RFTN1: variants seen among roughly 807,000 people sequenced by gnomAD.
The protein encoded by RFTN1 is raftlin.
Under a neutral mutation model 46.5 loss-of-function variants are expected in RFTN1, and 26 were observed. That is an observed-to-expected ratio of 0.56 (90% confidence interval 0.41 to 0.78). RFTN1 has a LOEUF of 0.78. Among genes scored for constraint, RFTN1 ranks in the 30% least tolerant of loss-of-function variants. The probability of loss-of-function intolerance (pLI) is 0.00; values close to 1 mark genes in which losing one functional copy is unlikely to be tolerated. For synonymous variants in RFTN1, 261 were observed against 284.2 expected (o/e 0.92, Z 0.82); for missense variants, 693 against 718.7 (o/e 0.96, Z 0.41).
intron 4 of RFTN1, among the ~76,000 whole-genome samples, chr3:16,404,197 C>T (rs189453341): frequency 3.6e-4 from 10 of 27,636 alleles, no homozygotes; most frequent in South Asian, 1.2e-3. Flanking sequence ...ATATAATATA[C>T]ATTTTATATA....
rs922918043 is a variant in RFTN1, at chr3:16,381,003, C to T, written c.442-2901G>A. 3.5e-4 allele frequency among the ~76,000 whole-genome samples: 53 copies of T among 152,308 alleles called. No homozygotes were observed. Among genetic ancestry groups the T allele is most frequent in the African/African-American group, 1.2e-3 (50 of 41,568 alleles). On this transcript the variant is annotated intron_variant, in intron 4 of 9. Transcript: ENST00000334133. This position sits in a 1 kb window ranked among gnomAD's most constrained non-coding sequence, Gnocchi z 4.2. ...GCCCCTACACTGGTCCAGGCCAACA[C>T]GGTGCTTAGGTACCAGGAATGTAAA...
intron 2 of RFTN1, among the ~76,000 whole-genome samples, chr3:16,445,974 C>A (rs1351945340): frequency 6.6e-6 from 1 of 151,534 alleles, no homozygotes; most frequent in Non-Finnish European, 1.5e-5. Flanking sequence ...TGGGCCAGAA[C>A]CCATGCTGGG....
At chr3:16,491,264 G>A (rs753334250) in intron 2 of RFTN1, among the ~76,000 whole-genome samples, 1 of 152,170 alleles carries the variant, frequency 6.6e-6, no homozygotes, top group Non-Finnish European at 1.5e-5. Flanking sequence ...AACAGGCAGT[G>A]CAAAAGCCCA....
At position 16,346,326 on chromosome 3, in the gene RFTN1, CT is replaced by C. The variant is rs2071716780; in HGVS notation, c.1146+11605del. Reference sequence around the variant, plus strand: ...TGGATAAATTTTTAAAAAGATATAACTTACTTGTATCACTAAATTTTGTATA... The same window carrying C: ...TGGATAAATTTTTAAAAAGATATAACTACTTGTATCACTAAATTTTGTATA... On this transcript the variant is annotated intron_variant, in intron 7 of 9. Coordinates refer to ENST00000334133, the MANE Select transcript of RFTN1 (RefSeq NM_015150.2). The surrounding 1 kb of genome is among the most constrained non-coding windows in gnomAD (Gnocchi z 4.4). 1 of 152,148 alleles carries C rather than the reference CT, an allele frequency of 6.6e-6. No individual in the cohort carries two copies. Among genetic ancestry groups the C allele is most frequent in the African/African-American group, 2.4e-5 (1 of 41,424 alleles). The allele number at this position is 152,148 out of a possible 1,614,324, so 9.4% of individuals were successfully genotyped here.
At chr3:16,318,242 T>C (rs147381948) in intron 9 of RFTN1, among the ~76,000 whole-genome samples, 1 of 143,988 alleles carries the variant, frequency 6.9e-6, no homozygotes, top group Non-Finnish European at 1.5e-5. Flanking sequence ...AGAGTGCACG[T>C]GGGGTTTTAG....
chr3:16,368,445 GT>G (rs2073337830), intron 6 of RFTN1, among the ~76,000 whole-genome samples: 1 of 152,238 alleles, frequency 6.6e-6, no homozygotes, highest in Admixed American at 6.5e-5. Flanking sequence ...GCCAAGGCGG[GT>G]GGATCACGAG....
intron 2 of RFTN1, among the ~76,000 whole-genome samples, chr3:16,487,209 G>A (rs1282598338): frequency 6.6e-6 from 1 of 152,234 alleles, no homozygotes; most frequent in African/African-American, 2.4e-5. Flanking sequence ...AACACCTCCT[G>A]TCTAGTTCAC....
At position 16,498,200 on chromosome 3, in the gene RFTN1, G is replaced by A. The variant is rs558068099; in HGVS notation, c.-8-4323C>T. ...CTCCATACTTGAGTCATTACATAAC[G>A]ACTGCAACTTAGTTTAGTAGGTAAA... is the stretch of plus-strand genomic sequence containing the variant. On this transcript the variant is annotated intron_variant, in intron 1 of 9. Transcript: ENST00000334133. This position sits in a 1 kb window ranked among gnomAD's most constrained non-coding sequence, Gnocchi z 5.2. 1.7e-3 allele frequency among the ~76,000 whole-genome samples: 261 copies of A among 152,278 alleles called. 2 individuals carry two copies. The highest frequency in any genetic ancestry group is 6.0e-3 in the African/African-American group (249 of 41,548).
rs1472403511 is a variant in RFTN1 at position 16,360,597 on chromosome 3, C to G, written c.1031-2550G>C. On this transcript the variant is annotated intron_variant, in intron 6 of 9. Transcript: ENST00000334133. ...AAGCAATTTAACAATGTTGCAGGAGCTTGCCACAAAAAGTCCACCCTCTTT... is the reference window on the plus strand; with the variant it reads ...AAGCAATTTAACAATGTTGCAGGAGGTTGCCACAAAAAGTCCACCCTCTTT... 5.3e-5 allele frequency among the ~76,000 whole-genome samples: 8 copies of G among 152,160 alleles called. No individual in the cohort carries two copies. In the East Asian group the frequency reaches 7.7e-4, roughly 15 times the overall value.
intron 6 of RFTN1, among the ~76,000 whole-genome samples, chr3:16,359,705 G>C (rs2072703852): frequency 6.6e-6 from 1 of 152,328 alleles, no homozygotes; most frequent in Admixed American, 6.5e-5. Context: ...GCCACGCAGT[G>C]TGTGGTATTT....
rs572897671 is a variant in RFTN1, at chr3:16,350,306, G to A, written c.1146+7626C>T. The A allele has an allele frequency of 3.3e-5, 5 of 152,176 alleles. No individual in the cohort carries two copies. In the East Asian group the frequency reaches 9.6e-4, roughly 29 times the overall value. The allele number at this position is 152,176 out of a possible 1,614,324, so 9.4% of individuals were successfully genotyped here. Reference sequence around the variant, plus strand: ...TTTTTGATATTACAAGTAATGCTGAGATAATATCCTTGTCTATGCCTTCTT... The same window carrying A: ...TTTTTGATATTACAAGTAATGCTGAAATAATATCCTTGTCTATGCCTTCTT... On this transcript the variant is annotated intron_variant, in intron 7 of 9. Transcript: ENST00000334133.
intron 7 of RFTN1, among the ~76,000 whole-genome samples, chr3:16,340,381 GCT>G (rs2071240417): frequency 6.6e-6 from 1 of 152,220 alleles, no homozygotes; most frequent in Admixed American, 6.5e-5. Context: ...GATACACAAG[GCT>G]CTGTTCTAGC....
rs770025623 is a variant in RFTN1 at position 16,434,389 on chromosome 3, C to CAA, written c.146-354_146-353dup. Among the ~76,000 whole-genome samples, 689 of 100,844 alleles carry CAA rather than the reference C, an allele frequency of 6.8e-3. 6 individuals carry two copies. The highest frequency in any genetic ancestry group is 0.02 in the African/African-American group (644 of 31,756). The allele number at this position is 100,844 out of a possible 152,430, so 66.2% of individuals were successfully genotyped here. Reference sequence around the variant, plus strand: ...ACAAACAAACAAACAAACAAACAAACAAACAAAAACAAAAAAACCCCCTCA... The same window carrying CAA: ...ACAAACAAACAAACAAACAAACAAACAAAAACAAAAACAAAAAAACCCCCTCA... On this transcript the variant is annotated intron_variant, in intron 2 of 9. Transcript: ENST00000334133.
intron 1 of RFTN1, among the ~76,000 whole-genome samples, chr3:16,511,971 T>C (rs2076909214): frequency 6.6e-6 from 1 of 152,080 alleles, no homozygotes; most frequent in South Asian, 2.1e-4. Context: ...GTGCCAGCTC[T>C]GGGGCTTTGA....
intron 8 of RFTN1, among the ~76,000 whole-genome samples, chr3:16,326,442 T>C (rs2069698702): frequency 1.3e-5 from 2 of 152,256 alleles, no homozygotes; most frequent in South Asian, 4.1e-4. Flanking sequence ...AGTGCCTACC[T>C]AGCCTAGCAC....
rs1045432613 is a variant in RFTN1, at chr3:16,481,640, C to A, written c.145+12085G>T. Among the ~76,000 whole-genome samples the A allele has an allele frequency of 6.6e-6, 1 of 152,206 alleles. No homozygotes were observed. The highest frequency in any genetic ancestry group is 2.4e-5 in the African/African-American group (1 of 41,450). On this transcript the variant is annotated intron_variant, in intron 2 of 9. Transcript: ENST00000334133. The surrounding 1 kb of genome is among the most constrained non-coding windows in gnomAD (Gnocchi z 5.1). ...AATTAAATAAATAGACACACACACA[C>A]TCTCCATAAAAACTCTGCTACACAA... is the stretch of plus-strand genomic sequence containing the variant.
chr3:16,393,662 T>A (rs375345536), intron 4 of RFTN1, among the ~76,000 whole-genome samples: 116 of 134,928 alleles, frequency 8.6e-4, no homozygotes, highest in African/African-American at 3.8e-3. Context: ...TTTTTTTTTT[T>A]AATTTTTTTT....
Position 16,457,524 on chromosome 3 carries a change from G to A in RFTN1, c.146-23487C>T, listed in dbSNP as rs2075931496. Reference sequence around the variant, plus strand: ...AAGGCATCCCAAAAGTCTCAATACAGTTTTATGCTGAAATTTCAGAAATAT... The same window carrying A: ...AAGGCATCCCAAAAGTCTCAATACAATTTTATGCTGAAATTTCAGAAATAT... On this transcript the variant is annotated intron_variant, in intron 2 of 9. Transcript: ENST00000334133. The surrounding 1 kb of genome is among the most constrained non-coding windows in gnomAD (Gnocchi z 4.2). 6.6e-6 allele frequency among the ~76,000 whole-genome samples: 1 copy of A among 152,132 alleles called. No homozygotes were observed. Among genetic ancestry groups the A allele is most frequent in the Admixed American group, 6.5e-5 (1 of 15,282 alleles).
In RFTN1 at chr3:16,507,221, C is replaced by T. The variant is rs1239631710; in HGVS notation, c.-9+6221G>A. 1.3e-5 allele frequency among the ~76,000 whole-genome samples: 2 copies of T among 152,174 alleles called. No individual in the cohort carries two copies. Among genetic ancestry groups the T allele is most frequent in the African/African-American group, 4.8e-5 (2 of 41,420 alleles). On this transcript the variant is annotated intron_variant, in intron 1 of 9. Coordinates refer to ENST00000334133, the MANE Select transcript of RFTN1 (RefSeq NM_015150.2). The surrounding 1 kb of genome is among the most constrained non-coding windows in gnomAD (Gnocchi z 7.1). ...AGTATAAATATTAACCGTTTTAGTA[C>T]TCTACTGGGATTACTTGTTGCTCAT...
Sources: allele counts gnomAD v4.1 joint callset (sites outside exome capture counted in the v4.1 genomes callset), GRCh38; gene constraint gnomAD v4.1.1; non-coding constraint Gnocchi (gnomAD v3.1); transcripts MANE v1.5; gene names NCBI Gene and HGNC (gene_info 2026-07-23, HGNC 2026-07-21).